IQCB1: variants seen among roughly 807,000 people sequenced by gnomAD.
The protein encoded by IQCB1 is IQ motif containing B1, also known as IQ calmodulin-binding motif-containing protein 1.
In IQCB1, 56 loss-of-function variants were observed where a neutral mutation model predicts 84.4. That is an observed-to-expected ratio of 0.66 (90% CI 0.54 to 0.83). The LOEUF (loss-of-function observed/expected upper bound fraction) is 0.83, where lower values mean the gene tolerates loss of function less well. IQCB1 is among the 40% of genes least tolerant of loss of function. The pLI is 0.00. For synonymous variants in IQCB1, 210 were observed against 234.8 expected, an observed-to-expected ratio of 0.89 and a Z score of 0.96; for missense variants, 629 against 682.1, an observed-to-expected ratio of 0.92 and a Z score of 0.87.
intron 7 of IQCB1, among the ~76,000 whole-genome samples, chr3:121,801,810 CTTT>C (rs5852277): frequency 3.3e-5 from 3 of 89,916 alleles, no homozygotes; most frequent in South Asian, 4.1e-4. Context: ...GCTGCAAGGC[CTTT>C]TTTTTTTTTT....
At chr3:121,782,234 A>G (rs1214380973) in intron 12 of IQCB1, among the ~76,000 whole-genome samples, 1 of 152,248 alleles carries the variant, frequency 6.6e-6, no homozygotes, top group African/African-American at 2.4e-5. Context: ...TCTTAATTCT[A>G]CACAGCCTAG....
intron 13 of IQCB1, among the ~76,000 whole-genome samples, chr3:121,778,771 TG>T (rs1436890853): frequency 4.0e-5 from 6 of 151,846 alleles, no homozygotes; most frequent in Non-Finnish European, 8.8e-5. Context: ...CTGAGCATGA[TG>T]GCAGGCGCCT....
chr3:121,823,313 T>C (rs1950341469), intron 5 of IQCB1, among the ~76,000 whole-genome samples: 2 of 152,170 alleles, frequency 1.3e-5, no homozygotes, highest in African/African-American at 4.8e-5. Context: ...ATTTTCTTAA[T>C]ATGAATACAT....
intron 10 of IQCB1, among the ~76,000 whole-genome samples, chr3:121,792,488 T>A (rs1949025141): frequency 6.8e-6 from 1 of 146,844 alleles, no homozygotes; most frequent in African/African-American, 2.5e-5. Context: ...TGAAACCCCG[T>A]CTCTACTAAA....
chr3:121,832,003 T>C (rs1433543581), intron 2 of IQCB1, among the ~76,000 whole-genome samples: 4 of 152,242 alleles, frequency 2.6e-5, no homozygotes, highest in Non-Finnish European at 5.9e-5. Flanking sequence ...TGTATGCTAT[T>C]ACAAGCAACA....
intron 13 of IQCB1, among the ~76,000 whole-genome samples, chr3:121,777,851 G>C (rs1271329518): frequency 6.6e-6 from 1 of 150,782 alleles, no homozygotes; most frequent in Non-Finnish European, 1.5e-5. Context: ...TAGTGATATT[G>C]AGCATTTTTC....
At chr3:121,825,702 C>A (rs1236958201) in intron 5 of IQCB1, among the ~76,000 whole-genome samples, 1 of 152,178 alleles carries the variant, frequency 6.6e-6, no homozygotes, top group East Asian at 1.9e-4. Flanking sequence ...TTATTCTTCA[C>A]TACTGGAGCT....
chr3:121,832,194 G>A (rs1344143944), intron 2 of IQCB1, among the ~76,000 whole-genome samples: 1 of 151,970 alleles, frequency 6.6e-6, no homozygotes, highest in African/African-American at 2.4e-5. Flanking sequence ...ATTTCTATCG[G>A]TTTGTCTTAT....
intron 5 of IQCB1, among the ~76,000 whole-genome samples, chr3:121,819,005 A>T (rs527305810): frequency 6.6e-6 from 1 of 152,332 alleles, no homozygotes; most frequent in African/African-American, 2.4e-5. Flanking sequence ...AGTGGTCTCT[A>T]ACCTTTTTTG....
At chr3:121,827,114 A>G (rs904912990) in intron 4 of IQCB1, among the ~76,000 whole-genome samples, 1 of 152,124 alleles carries the variant, frequency 6.6e-6, no homozygotes, top group African/African-American at 2.4e-5. Context: ...TTGCAGCAAC[A>G]TGGATGGAGC....
At chr3:121,818,121 T>C (rs531169098) in intron 5 of IQCB1, among the ~76,000 whole-genome samples, 1 of 152,348 alleles carries the variant, frequency 6.6e-6, no homozygotes, top group South Asian at 2.1e-4. Flanking sequence ...CTGTCCATAA[T>C]TGACAACAGT....
intron 13 of IQCB1, among the ~76,000 whole-genome samples, chr3:121,780,945 G>A (rs983195059): frequency 6.6e-6 from 1 of 152,104 alleles, no homozygotes; most frequent in Non-Finnish European, 1.5e-5. Context: ...AACAAAACTC[G>A]TGAAAAGTAC....
intron 13 of IQCB1, among the ~76,000 whole-genome samples, chr3:121,781,404 T>G (rs1480315605): frequency 1.3e-5 from 2 of 152,196 alleles, no homozygotes; most frequent in Non-Finnish European, 2.9e-5. Context: ...TAATCATTGA[T>G]TGACAGTTAC....
Position 121,835,024 on chromosome 3 carries a change from G to A in IQCB1, c.-160C>T, listed in dbSNP as rs1182943981. The A allele has an allele frequency of 3.6e-6, 2 of 562,070 alleles. No homozygotes were observed. Among genetic ancestry groups the A allele is most frequent in the South Asian group, 2.1e-5 (1 of 46,984 alleles). 34.8% of individuals were successfully genotyped at this position (562,070 alleles called of 1,614,324 possible). ...CCTGGGGCTCCCACGCCGCACTACA[G>A]CGCCGCGGCCTTCCGGGGCAGCGTG... On this transcript the variant is annotated 5_prime_UTR_variant, in exon 1 of 15. Coordinates refer to ENST00000310864, the MANE Select transcript of IQCB1 (RefSeq NM_001023570.4).
chr3:121,817,832 ATAAG>A lies in IQCB1; in HGVS notation c.393+8215_393+8218del, dbSNP rs148222118. 6.3e-4 allele frequency among the ~76,000 whole-genome samples: 96 copies of A among 152,048 alleles called. 1 individual carries two copies. In the East Asian group the frequency reaches 0.012, roughly 19 times the overall value. The stretch of plus-strand genomic sequence containing the variant: ...TCCTCAGGATGGGATTAGTGCCCTT[ATAAG>A]AAAGAAAGAAAGAAGGAAAAGACAT... On this transcript the variant is annotated intron_variant, in intron 5 of 14. Transcript: ENST00000310864.
chr3:121,780,879 T>TGAGAGA (rs199923608), intron 13 of IQCB1, among the ~76,000 whole-genome samples: 6 of 144,382 alleles, frequency 4.2e-5, no homozygotes, highest in Admixed American at 2.0e-4. Context: ...TGTGTGTGTG[T>TGAGAGA]GTGTGAGAGA....
chr3:121,770,608 A>C (rs765679267), intron 14 of IQCB1, 34 bp from the exon 15 acceptor site: 1 of 1,532,740 alleles, frequency 6.5e-7, no homozygotes, highest in Non-Finnish European at 9.0e-7. Flanking sequence ...GATGAGCAGA[A>C]GAGTCCTATG....
intron 10 of IQCB1, among the ~76,000 whole-genome samples, chr3:121,793,432 A>G (rs1410783741): frequency 1.3e-5 from 2 of 152,292 alleles, no homozygotes; most frequent in South Asian, 2.1e-4. Flanking sequence ...TCCCAAAACC[A>G]TGGGAAGGGG....
intron 8 of IQCB1, among the ~76,000 whole-genome samples, chr3:121,797,452 TA>T (rs34526626): frequency 3.7e-4 from 52 of 138,982 alleles, no homozygotes; most frequent in East Asian, 1.6e-3. Context: ...TGGTATCTGA[TA>T]AAAAAAAAAA....
Sources: gnomAD v4.1 joint callset for allele counts (sites outside exome capture counted in the v4.1 genomes callset) on GRCh38, gnomAD v4.1.1 for gene constraint, MANE v1.5 for transcripts, NCBI Gene and HGNC (gene_info 2026-07-23, HGNC 2026-07-21) for gene names.